The following UACA variants were observed in gnomAD, a reference collection of about 807,000 sequenced individuals.
The protein encoded by UACA is nuclear membrane binding protein.
UACA carries 112 observed loss-of-function variants against 160.5 expected under a neutral mutation model. That is an observed-to-expected ratio of 0.70 (90% CI 0.60 to 0.82). The LOEUF is 0.82. Ranked by LOEUF, UACA falls within the 40% of genes least tolerant of loss-of-function variation. The pLI is 0.00. For synonymous variants in UACA, 557 were observed against 568.4 expected (o/e 0.98, Z 0.29); for missense variants, 1,574 against 1,614.6 (o/e 0.97, Z 0.43).
At chr15:70,726,763 G>T (rs771880161) in intron 1 of UACA, among the ~76,000 whole-genome samples, 3 of 152,028 alleles carry the variant, frequency 2.0e-5, no homozygotes, top group Non-Finnish European at 4.4e-5. Flanking sequence ...CCTTTATTTG[G>T]AAGGAACAAG....
chr15:70,700,379 GAAT>G, intron 1 of UACA, among the ~76,000 whole-genome samples: 1 of 146,692 alleles, frequency 6.8e-6, no homozygotes, highest in Non-Finnish European at 1.5e-5. Flanking sequence ...TTATATATTA[GAAT>G]AAAATAAAAC....
At chr15:70,763,674 A>C (rs1037235469), upstream of UACA, 12 of 456,298 alleles carry the variant, frequency 2.6e-5, no homozygotes, top group South Asian at 1.2e-4. Context: ...TTTTAAACTG[A>C]GTAACACCCT....
intron 1 of UACA, among the ~76,000 whole-genome samples, chr15:70,723,634 CT>C (rs71845744): frequency 0.16 from 22,133 of 138,706 alleles, 1,772 homozygotes; most frequent in African/African-American, 0.33. Flanking sequence ...CAACTTTTTC[CT>C]TTTTTTTTTT....
intron 1 of UACA, chr15:70,749,362 T>C (rs144192802): frequency 0.019 from 3,464 of 184,858 alleles, 43 homozygotes; most frequent in Non-Finnish European, 0.025. Flanking sequence ...CCGTCTCTAC[T>C]AAAAATACAA....
At position 70,763,513 on chromosome 15, in the gene UACA, G is replaced by A. The variant is rs2030909567; in HGVS notation, c.-106C>T. On this transcript the variant is annotated 5_prime_UTR_variant, in exon 1 of 19. Transcript: ENST00000322954. The stretch of plus-strand genomic sequence containing the variant: ...AGCAGAGGCGGCGCGGGCTGTACCA[G>A]CCCCACCTGCCTGCCACCTGCGGGC... 3.0e-5 allele frequency: 38 copies of A among 1,248,852 alleles called. No homozygotes were observed. Among genetic ancestry groups the A allele is most frequent in the Non-Finnish European group, 3.7e-5 (37 of 991,256 alleles). 77.4% of individuals were successfully genotyped at this position (1,248,852 alleles called of 1,614,324 possible). A position where few individuals can be genotyped will look rare whatever the true frequency, so the allele number is the denominator to read the frequency against.
At chr15:70,712,554 G>A (rs904953453) in intron 1 of UACA, among the ~76,000 whole-genome samples, 1 of 152,054 alleles carries the variant, frequency 6.6e-6, no homozygotes, top group African/African-American at 2.4e-5. Context: ...GCTTTCTATT[G>A]CTTGTAGGAT....
upstream of UACA, chr15:70,763,699 G>C (rs1019558795): frequency 5.1e-6 from 2 of 389,804 alleles, no homozygotes; most frequent in Non-Finnish European, 8.4e-6. Context: ...CTCCCAGCTG[G>C]AGGAAAAGTT....
intron 1 of UACA, among the ~76,000 whole-genome samples, chr15:70,706,860 A>C (rs1437850295): frequency 6.6e-6 from 1 of 152,228 alleles, no homozygotes; most frequent in Non-Finnish European, 1.5e-5. Flanking sequence ...TTAAGATGTC[A>C]ATACCACCCA....
chr15:70,704,607 C>T (rs182388411), intron 1 of UACA, among the ~76,000 whole-genome samples: 1 of 152,140 alleles, frequency 6.6e-6, no homozygotes, highest in Non-Finnish European at 1.5e-5. Flanking sequence ...GGCACCAGTG[C>T]TCTCAACTAC....
At chr15:70,775,674 A>G in the UACA span, among the ~76,000 whole-genome samples, 1 of 152,222 alleles carries the variant, frequency 6.6e-6, no homozygotes, top group Non-Finnish European at 1.5e-5. Context: ...AAATATAATC[A>G]GATATTAAAA....
chr15:70,710,698 G>A (rs1045889474), intron 1 of UACA, among the ~76,000 whole-genome samples: 5 of 152,188 alleles, frequency 3.3e-5, no homozygotes, highest in Non-Finnish European at 7.3e-5. Context: ...ATGCTTACTC[G>A]TTTATTGTAA....
At chr15:70,712,459 T>C (rs1898711911) in intron 1 of UACA, among the ~76,000 whole-genome samples, 1 of 152,164 alleles carries the variant, frequency 6.6e-6, no homozygotes, top group Non-Finnish European at 1.5e-5. Context: ...CTGCGGTCAG[T>C]AATTTTTCTA....
intron 13 of UACA, among the ~76,000 whole-genome samples, chr15:70,673,238 G>A (rs1316984270): frequency 1.3e-5 from 2 of 152,172 alleles, no homozygotes; most frequent in Non-Finnish European, 2.9e-5. Flanking sequence ...TTGCACCACT[G>A]CACTCCAGCC....
chr15:70,747,171 C>T (rs1161524087), intron 1 of UACA, among the ~76,000 whole-genome samples: 1 of 151,530 alleles, frequency 6.6e-6, no homozygotes, highest in African/African-American at 2.4e-5. Flanking sequence ...TGTTCCATCT[C>T]ACTTGTGCTG....
chr15:70,684,526 C>T, intron 7 of UACA, 80 bp from the exon 8 acceptor site: 1 of 1,430,312 alleles, frequency 7.0e-7, no homozygotes, highest in South Asian at 1.4e-5. Context: ...TATTGTTGAA[C>T]ACTGTCTTAG....
chr15:70,763,465 A>C lies in UACA; in HGVS notation c.-58T>G. ...TAAAGGCTGCGGAGTGCCAGCGCGC[A>C]AGGAGTAGACGGCAGCGGCTGCAGC... On this transcript the variant is annotated 5_prime_UTR_variant, in exon 1 of 19. Transcript: ENST00000322954. The C allele has an allele frequency of 7.8e-7, 1 of 1,274,382 alleles. No individual in the cohort carries two copies. Among genetic ancestry groups the C allele is most frequent in the Non-Finnish European group, 1.0e-6 (1 of 1,001,644 alleles). 78.9% of individuals were successfully genotyped at this position (1,274,382 alleles called of 1,614,324 possible).
At chr15:70,728,322 G>A (rs576333230) in intron 1 of UACA, among the ~76,000 whole-genome samples, 10 of 152,292 alleles carry the variant, frequency 6.6e-5, no homozygotes, top group Non-Finnish European at 1.3e-4. Context: ...CCAGCACTTT[G>A]GGAGGCCAAG....
chr15:70,719,831 T>C (rs1214968505), intron 1 of UACA, among the ~76,000 whole-genome samples: 2 of 152,172 alleles, frequency 1.3e-5, no homozygotes, highest in East Asian at 3.8e-4. Flanking sequence ...GAAAATCCCC[T>C]AGGGCCAAGA....
chr15:70,679,664 G>C lies in UACA; in HGVS notation c.835C>G (p.His279Asp). 6.3e-7 allele frequency: 1 copy of C among 1,588,104 alleles called. No homozygotes were observed. Among genetic ancestry groups the C allele is most frequent in the East Asian group, 2.4e-5 (1 of 42,452 alleles). The change falls in exon 10 of 19, where the codon CAC becomes GAC. Residue 279 changes from histidine to aspartate, a missense_variant. By Grantham distance (81) the His-to-Asp change is moderately conservative (BLOSUM62 -1). Coordinates refer to ENST00000322954, the MANE Select transcript of UACA (RefSeq NM_018003.4). ...GPSLQQRNLT[H>D]MQDEVNVKSH... ...TTCACATTTACTTCATCTTGCATGT[G>C]TGTCAAATTTCGCTTTGGTAAAACA...
Sources: gnomAD v4.1 joint callset for allele counts (sites outside exome capture counted in the v4.1 genomes callset) on GRCh38, gnomAD v4.1.1 for gene constraint, MANE v1.5 for transcripts, NCBI Gene and HGNC (gene_info 2026-07-23, HGNC 2026-07-21) for gene names.